Variants in DOK6 observed in about 807,000 individuals in gnomAD.
DOK6 encodes the protein downstream of tyrosine kinase 6.
DOK6 carries 22 observed loss-of-function variants against 44.0 expected under a neutral mutation model. The ratio of observed to expected loss-of-function variants is 0.50; its 90% CI spans 0.36 to 0.71. DOK6 has a LOEUF of 0.71. Among genes scored for constraint, DOK6 ranks in the 30% least tolerant of loss-of-function variants. The pLI, the probability that DOK6 is intolerant of heterozygous loss-of-function variation, is 0.00. For synonymous variants in DOK6, 166 were observed against 145.5 expected (o/e 1.14, Z -1.01); for missense variants, 340 against 416.4 (o/e 0.82, Z 1.60).
rs356004 is a variant in DOK6, at chr18:69,419,625, A to G, written c.66+18315A>G. On this transcript the variant is annotated intron_variant, in intron 1 of 7. Transcript: ENST00000382713. The stretch of plus-strand genomic sequence containing the variant: ...CTGGTAGGTTTTTCTTCAATTACAA[A>G]TATTAAGGATGTGTTAGTATATGTT... Among the ~76,000 whole-genome samples the G allele has an allele frequency of 2.9e-3, 435 of 152,254 alleles. 1 individual carries two copies. The highest frequency in any genetic ancestry group is 0.01 in the African/African-American group (416 of 41,552).
chr18:69,550,644 G>A lies in DOK6; in HGVS notation c.67-13843G>A, dbSNP rs147204271. 4.9e-4 allele frequency among the ~76,000 whole-genome samples: 74 copies of A among 152,216 alleles called. 1 individual carries two copies. Among genetic ancestry groups the A allele is most frequent in the Admixed American group, 3.7e-3 (56 of 15,290 alleles). On this transcript the variant is annotated intron_variant, in intron 1 of 7. Transcript: ENST00000382713. ...TTGAGAAAAATATGAGGAAAATTAT[G>A]AAGTGTATGGAGAGCTAAGAGTTAT...
intron 1 of DOK6, among the ~76,000 whole-genome samples, chr18:69,542,761 T>C (rs1337287026): frequency 2.6e-5 from 4 of 151,552 alleles, no homozygotes; most frequent in Non-Finnish European, 5.9e-5. Context: ...TTGAAGTTAT[T>C]TCTTCCATGG....
chr18:69,414,916 T>G (rs1978322258), intron 1 of DOK6, among the ~76,000 whole-genome samples: 1 of 151,944 alleles, frequency 6.6e-6, no homozygotes, highest in Admixed American at 6.6e-5. Flanking sequence ...CGTAGAAAAA[T>G]GGAAAGAGTA....
chr18:69,529,439 C>T (rs1472919821), intron 1 of DOK6, among the ~76,000 whole-genome samples: 1 of 152,176 alleles, frequency 6.6e-6, no homozygotes, highest in Non-Finnish European at 1.5e-5. Flanking sequence ...GTTTTCCTGT[C>T]TGCAACCTCC....
At chr18:69,754,351 C>CCA (rs1979286836) in intron 6 of DOK6, among the ~76,000 whole-genome samples, 1 of 121,484 alleles carries the variant, frequency 8.2e-6, no homozygotes. Context: ...ACCCTATCTC[C>CCA]AAAAAAAAAA....
At chr18:69,628,618 G>T (rs1956662411) in intron 3 of DOK6, among the ~76,000 whole-genome samples, 1 of 152,186 alleles carries the variant, frequency 6.6e-6, no homozygotes, top group South Asian at 2.1e-4. Flanking sequence ...GATATGGTAT[G>T]AAACTTTTCC....
chr18:69,601,829 A>G (rs992913456), intron 3 of DOK6, among the ~76,000 whole-genome samples: 4 of 152,192 alleles, frequency 2.6e-5, no homozygotes, highest in African/African-American at 4.8e-5. Flanking sequence ...AGACGAGCCC[A>G]GAGCATCTTG....
chr18:69,708,682 G>A (rs905412046), intron 5 of DOK6, among the ~76,000 whole-genome samples: 1 of 151,654 alleles, frequency 6.6e-6, no homozygotes, highest in Middle Eastern at 3.4e-3. Flanking sequence ...TACTCGGGAG[G>A]CTGAGGCAGA....
At chr18:69,579,671 C>T (rs745339537) in intron 2 of DOK6, among the ~76,000 whole-genome samples, 4 of 152,000 alleles carry the variant, frequency 2.6e-5, no homozygotes, top group Non-Finnish European at 5.9e-5. Context: ...TCAAATGATT[C>T]TCCTGCCTCA....
At chr18:69,786,248 T>G (rs1980425325) in intron 7 of DOK6, among the ~76,000 whole-genome samples, 1 of 152,168 alleles carries the variant, frequency 6.6e-6, no homozygotes, top group Non-Finnish European at 1.5e-5. Flanking sequence ...CCAAAGCACA[T>G]GATAATAATC....
chr18:69,478,796 A>G (rs8089913), intron 1 of DOK6, among the ~76,000 whole-genome samples: 34,417 of 152,102 alleles, frequency 0.23, 4,301 homozygotes, highest in East Asian at 0.53. Context: ...ACTGTTAACT[A>G]AACCCCACAC....
At chr18:69,595,758 T>A (rs1270271068) in intron 2 of DOK6, among the ~76,000 whole-genome samples, 1 of 152,200 alleles carries the variant, frequency 6.6e-6, no homozygotes, top group Non-Finnish European at 1.5e-5. Flanking sequence ...TTATGAGTTA[T>A]GAGATTAATA....
In DOK6 at chr18:69,847,436, A is replaced by G. The variant is rs993062976; in HGVS notation, c.*6053A>G. 2.0e-5 allele frequency: 3 copies of G among 152,210 alleles called. No homozygotes were observed. The highest frequency in any genetic ancestry group is 7.2e-5 in the African/African-American group (3 of 41,452). 9.4% of individuals were successfully genotyped at this position (152,210 alleles called of 1,614,324 possible). ...TTCCCTCAAGAGACCCACAGCCTCA[A>G]AAGAGTTGCTTATTATCAGATGTCC... On this transcript the variant is annotated 3_prime_UTR_variant, in exon 8 of 8. Coordinates refer to ENST00000382713, the MANE Select transcript of DOK6 (RefSeq NM_152721.6).
intron 1 of DOK6, among the ~76,000 whole-genome samples, chr18:69,487,743 A>G (rs1265746714): frequency 1.3e-5 from 2 of 152,128 alleles, no homozygotes; most frequent in Non-Finnish European, 2.9e-5. Flanking sequence ...AGAGCGGGAG[A>G]TCTTAGCCCC....
Position 69,845,514 on chromosome 18 carries a change from T to G in DOK6, c.*4131T>G, listed in dbSNP as rs1982327003. ...TGACATGCCACACAAATTTAGCTTA[T>G]GCAATTTATGGGGTGTGTGTTTGCA... On this transcript the variant is annotated 3_prime_UTR_variant, in exon 8 of 8. Transcript: ENST00000382713. 2 of 152,350 alleles carry G rather than the reference T, an allele frequency of 1.3e-5. No individual in the cohort carries two copies. Among genetic ancestry groups the G allele is most frequent in the East Asian group, 3.9e-4 (2 of 5,188 alleles). The allele number at this position is 152,350 out of a possible 1,614,324, so 9.4% of individuals were successfully genotyped here. A position where few individuals can be genotyped will look rare whatever the true frequency, so the allele number is the denominator to read the frequency against.
intron 3 of DOK6, among the ~76,000 whole-genome samples, chr18:69,676,756 C>A (rs1163029893): frequency 6.6e-6 from 1 of 152,172 alleles, no homozygotes; most frequent in East Asian, 1.9e-4. Context: ...ATTTCCAATT[C>A]TGTTTTGATG....
chr18:69,738,444 A>C (rs1170451054), intron 5 of DOK6, among the ~76,000 whole-genome samples: 1 of 152,224 alleles, frequency 6.6e-6, no homozygotes, highest in Non-Finnish European at 1.5e-5. Context: ...CTATTGAATA[A>C]CAACTTGTCA....
At chr18:69,553,796 G>C (rs1055415184) in intron 1 of DOK6, among the ~76,000 whole-genome samples, 2 of 152,122 alleles carry the variant, frequency 1.3e-5, no homozygotes, top group African/African-American at 4.8e-5. Flanking sequence ...AAAGATGTTG[G>C]GGCTCCTTAG....
intron 1 of DOK6, among the ~76,000 whole-genome samples, chr18:69,440,468 A>G (rs1002110463): frequency 6.6e-6 from 1 of 152,132 alleles, no homozygotes; most frequent in African/African-American, 2.4e-5. Flanking sequence ...GTACAATGAA[A>G]CAAGTTATGT....
Sources: gnomAD v4.1 joint callset for allele counts (sites outside exome capture counted in the v4.1 genomes callset) on GRCh38, gnomAD v4.1.1 for gene constraint, MANE v1.5 for transcripts, NCBI Gene and HGNC (gene_info 2026-07-23, HGNC 2026-07-21) for gene names.